The following DMD variants were observed in gnomAD, a reference collection of about 807,000 sequenced individuals.
DMD encodes mutant dystrophin.
In DMD, 63 loss-of-function variants were observed where a neutral mutation model predicts 330.1. That is an observed-to-expected ratio of 0.19 (90% CI 0.16 to 0.24). The LOEUF is 0.24. DMD is among the 10% of genes least tolerant of loss of function. DMD has a pLI of 1.00. For missense variants in DMD, 3,344 were observed against 2,684.1 expected (o/e 1.25, Z -5.43); for synonymous variants, 1,223 against 959.8 (o/e 1.27, Z -5.07).
intron 48 of DMD, among the ~76,000 whole-genome samples, chrX:31,851,287 T>TAA (rs200485120): frequency 2.9e-5 from 3 of 104,466 alleles, no homozygotes; most frequent in Non-Finnish European, 4.0e-5. Flanking sequence ...AAGGGAGACT[T>TAA]AAAAAAAAAA....
At chrX:31,657,472 A>C (rs1050782945) in intron 54 of DMD, among the ~76,000 whole-genome samples, 2 of 112,059 alleles carry the variant, frequency 1.8e-5, no homozygotes, top group African/African-American at 3.2e-5. Context: ...TTGAGGAGAT[A>C]CTGTCTATAA....
intron 55 of DMD, among the ~76,000 whole-genome samples, chrX:31,605,696 A>C (rs1009646710): frequency 6.3e-5 from 7 of 111,412 alleles, no homozygotes; most frequent in African/African-American, 2.0e-4. Context: ...ATGAGCAATG[A>C]ATGTGGTAAT....
intron 44 of DMD, among the ~76,000 whole-genome samples, chrX:32,030,303 C>A (rs1052454329): frequency 7.1e-5 from 8 of 111,900 alleles, no homozygotes; most frequent in African/African-American, 2.6e-4. Flanking sequence ...ATTTCAATAG[C>A]CATAGCATTG....
At chrX:32,009,373 T>A (rs1370499769) in intron 44 of DMD, among the ~76,000 whole-genome samples, 1 of 112,217 alleles carries the variant, frequency 8.9e-6, no homozygotes, top group East Asian at 2.8e-4. Context: ...AATTTTGTTT[T>A]ATGAGGCATA....
At position 32,565,692 on chromosome X, in the gene DMD, T is replaced by A; in HGVS notation, c.1992+10A>T. 3.3e-6 allele frequency: 4 copies of A among 1,207,337 alleles called. No individual in the cohort carries two copies. Among genetic ancestry groups the A allele is most frequent in the Non-Finnish European group, 4.5e-6 (4 of 891,402 alleles). Reference sequence around the variant, plus strand: ...AGATAGTCTGTAGCATGATAATTGGTATCACTAACCTGTGCTGTACTCTTT... The same window carrying A: ...AGATAGTCTGTAGCATGATAATTGGAATCACTAACCTGTGCTGTACTCTTT... On this transcript the variant is annotated intron_variant, in intron 16 of 78. Transcript: ENST00000357033.
At chrX:32,006,182 A>G (rs7889350) in intron 44 of DMD, among the ~76,000 whole-genome samples, 8,286 of 111,333 alleles carry the variant, frequency 0.074, 762 homozygotes, top group African/African-American at 0.25. Flanking sequence ...CAACAGCTAT[A>G]TATCTAGAAT....
At chrX:32,613,033 C>T (rs1266998283) in intron 12 of DMD, among the ~76,000 whole-genome samples, 1 of 111,299 alleles carries the variant, frequency 9.0e-6, no homozygotes, top group Non-Finnish European at 1.9e-5. Context: ...AGGCAGATTT[C>T]GAAGGTATGA....
At chrX:32,791,425 C>T (rs756413701) in intron 7 of DMD, among the ~76,000 whole-genome samples, 1 of 111,805 alleles carries the variant, frequency 8.9e-6, no homozygotes, top group African/African-American at 3.2e-5. Flanking sequence ...CCAACTGATG[C>T]CACCACTGGG....
intron 45 of DMD, among the ~76,000 whole-genome samples, chrX:31,941,807 A>G (rs1481402790): frequency 9.0e-6 from 1 of 111,382 alleles, no homozygotes; most frequent in Non-Finnish European, 1.9e-5. Flanking sequence ...TCCTGCATTA[A>G]TTCACTTAGG....
At chrX:32,296,885 AAAG>A (rs2097498939) in intron 42 of DMD, among the ~76,000 whole-genome samples, 1 of 112,257 alleles carries the variant, frequency 8.9e-6, no homozygotes, top group East Asian at 2.8e-4. Context: ...TTATTTTTTA[AAAG>A]AAGTGATAAA....
intron 51 of DMD, among the ~76,000 whole-genome samples, chrX:31,771,902 G>A (rs2090365618): frequency 9.0e-6 from 1 of 111,437 alleles, no homozygotes; most frequent in Admixed American, 9.6e-5. Flanking sequence ...GAGAACTCTG[G>A]AGACTACTGA....
intron 48 of DMD, among the ~76,000 whole-genome samples, chrX:31,867,090 T>TGATA (rs2093811424): frequency 1.8e-5 from 1 of 56,854 alleles, no homozygotes; most frequent in African/African-American, 8.3e-5. Context: ...CAACATATTT[T>TGATA]GATATATATA....
intron 7 of DMD, among the ~76,000 whole-genome samples, chrX:32,764,734 C>T (rs1603382550): frequency 8.9e-6 from 1 of 111,842 alleles, no homozygotes; most frequent in South Asian, 3.7e-4. Context: ...ATGAATAATG[C>T]TGCTATAAAC....
At chrX:31,276,872 T>C (rs1387576853) in intron 62 of DMD, among the ~76,000 whole-genome samples, 2 of 111,341 alleles carry the variant, frequency 1.8e-5, no homozygotes, top group Admixed American at 1.9e-4. Context: ...GAATATTTAA[T>C]GGTGTTCAAA....
In DMD at chrX:32,456,620, G is replaced by GTGTA. The variant is rs1557366451; in HGVS notation, c.3433-1789_3433-1788insTACA. On this transcript the variant is annotated intron_variant, in intron 25 of 78. Transcript: ENST00000357033. ...TGTGTGTGTGTGTGTGTGTGTGTAT[G>GTGTA]TGTGTGTGTGTGTGCACGTGCTCAA... 3.8e-3 allele frequency among the ~76,000 whole-genome samples: 348 copies of GTGTA among 91,817 alleles called. 5 individuals carry two copies. Among genetic ancestry groups the GTGTA allele is most frequent in the African/African-American group, 0.014 (337 of 24,911 alleles). 79.7% of individuals were successfully genotyped at this position (91,817 alleles called of 115,157 possible). A position where few individuals can be genotyped will look rare whatever the true frequency, so the allele number is the denominator to read the frequency against.
intron 12 of DMD, among the ~76,000 whole-genome samples, chrX:32,606,184 C>A (rs813424): frequency 0.24 from 26,646 of 109,228 alleles, 2,423 homozygotes; most frequent in East Asian, 0.46. Flanking sequence ...CTTCCACCAC[C>A]CTTCCCAGTC....
At chrX:31,406,885 G>T (rs781121801) in intron 60 of DMD, among the ~76,000 whole-genome samples, 65 of 111,621 alleles carry the variant, frequency 5.8e-4, no homozygotes, top group African/African-American at 2.1e-3. Flanking sequence ...TCTCCTAGCT[G>T]CATTTACAAA....
intron 44 of DMD, among the ~76,000 whole-genome samples, chrX:31,971,520 A>G (rs2095399681): frequency 9.0e-6 from 1 of 111,424 alleles, no homozygotes. Context: ...AGAGCTCATT[A>G]CACAGTCTAC....
chrX:31,134,517 G>C (rs943864676), intron 76 of DMD, among the ~76,000 whole-genome samples: 9 of 107,816 alleles, frequency 8.3e-5, no homozygotes, highest in Non-Finnish European at 1.7e-4. Flanking sequence ...CCGCCTCCCA[G>C]GTTCAAACGA....
Sources: allele counts gnomAD v4.1 joint callset (sites outside exome capture counted in the v4.1 genomes callset), GRCh38; gene constraint gnomAD v4.1.1; transcripts MANE v1.5; gene names NCBI Gene and HGNC (gene_info 2026-07-23, HGNC 2026-07-21).